The following COL4A5 variants were observed in gnomAD, a reference collection of about 807,000 sequenced individuals.
COL4A5 encodes the protein collagen type IV alpha 5 chain.
A neutral mutation model predicts 130.2 loss-of-function variants in COL4A5; 26 were observed. The observed-to-expected ratio is 0.20, with a 90% CI of 0.15 to 0.28. The LOEUF is 0.28. COL4A5 is among the 10% of genes least tolerant of loss of function. The pLI, the probability that COL4A5 is intolerant of heterozygous loss-of-function variation, is 1.00. For synonymous variants in COL4A5, 496 were observed against 439.6 expected, an observed-to-expected ratio of 1.13 and a Z score of -1.60; for missense variants, 1,131 against 1,344.3, an observed-to-expected ratio of 0.84 and a Z score of 2.48.
intron 6 of COL4A5, among the ~76,000 whole-genome samples, chrX:108,569,240 G>A (rs774645802): frequency 1.4e-4 from 16 of 111,805 alleles, no homozygotes; most frequent in African/African-American, 5.2e-4. Context: ...TTAACACGCC[G>A]AATAACTTCC....
chrX:108,517,022 A>G (rs1365330604), intron 1 of COL4A5, among the ~76,000 whole-genome samples: 1 of 111,723 alleles, frequency 9.0e-6, no homozygotes, highest in African/African-American at 3.2e-5. Flanking sequence ...AGATAAGTAT[A>G]TGTCATATTA....
chrX:108,484,991 C>A (rs764617297), intron 1 of COL4A5, among the ~76,000 whole-genome samples: 1 of 112,136 alleles, frequency 8.9e-6, no homozygotes, highest in East Asian at 2.8e-4. Context: ...TTTACTCTAG[C>A]AGATTTGACC....
chrX:108,532,995 T>C (rs777228154), intron 1 of COL4A5, among the ~76,000 whole-genome samples: 8 of 111,566 alleles, frequency 7.2e-5, no homozygotes, highest in Non-Finnish European at 1.1e-4. Flanking sequence ...ATAATCGCTA[T>C]CAAAATGCCA....
chrX:108,446,072 T>A (rs1212339072), intron 1 of COL4A5, among the ~76,000 whole-genome samples: 1 of 111,691 alleles, frequency 9.0e-6, no homozygotes, highest in Non-Finnish European at 1.9e-5. Context: ...TTTCAATTGC[T>A]ATGGTAAAGT....
At chrX:108,650,265 A>C (rs867389804) in intron 36 of COL4A5, among the ~76,000 whole-genome samples, 6 of 95,391 alleles carry the variant, frequency 6.3e-5, no homozygotes, top group Admixed American at 3.1e-4. Context: ...TCAAAAGATC[A>C]AAAAATAGGA....
intron 34 of COL4A5, 51 bp downstream of exon 34, chrX:108,624,385 G>A: frequency 1.1e-6 from 1 of 884,070 alleles, no homozygotes; most frequent in South Asian, 2.1e-5. Context: ...ACTGAATTCT[G>A]GATAAATAAT....
intron 3 of COL4A5, among the ~76,000 whole-genome samples, chrX:108,561,123 G>A (rs1241430496): frequency 3.6e-5 from 4 of 111,786 alleles, no homozygotes; most frequent in Admixed American, 9.5e-5. Flanking sequence ...TTAGAGAAAC[G>A]TCCATTCGTA....
chrX:108,446,905 G>A (rs2064458246), intron 1 of COL4A5, among the ~76,000 whole-genome samples: 1 of 111,479 alleles, frequency 9.0e-6, no homozygotes, highest in Admixed American at 9.5e-5. Flanking sequence ...TGCCTAGGCC[G>A]TTCATCCTTA....
intron 36 of COL4A5, among the ~76,000 whole-genome samples, chrX:108,641,054 C>T (rs2067455732): frequency 9.0e-6 from 1 of 111,264 alleles, no homozygotes; most frequent in South Asian, 3.8e-4. Context: ...CTTGAGTAGG[C>T]ATAATAAAGA....
intron 36 of COL4A5, among the ~76,000 whole-genome samples, chrX:108,629,881 T>C (rs1243502370): frequency 9.0e-6 from 1 of 110,785 alleles, no homozygotes; most frequent in Non-Finnish European, 1.9e-5. Context: ...ATTGTTCAAT[T>C]CCCACCTATG....
chrX:108,662,080 C>G (rs1302991494), intron 37 of COL4A5, among the ~76,000 whole-genome samples: 1 of 69,851 alleles, frequency 1.4e-5, no homozygotes, highest in Non-Finnish European at 2.6e-5. Flanking sequence ...CCCCTCCCCC[C>G]ACCCCACAAC....
intron 4 of COL4A5, among the ~76,000 whole-genome samples, chrX:108,567,304 C>A (rs2065989288): frequency 9.0e-6 from 1 of 111,579 alleles, no homozygotes; most frequent in South Asian, 3.8e-4. Flanking sequence ...TACACTGGAT[C>A]CAATTTATTT....
Position 108,509,212 on chromosome X carries a change from A to G in COL4A5, c.82-30534A>G, listed in dbSNP as rs138394477. Among the ~76,000 whole-genome samples, 115 of 112,155 alleles carry G rather than the reference A, an allele frequency of 1.0e-3. 4 individuals are homozygous for G. The East Asian group carries it at 0.031, about 30-fold the overall frequency. ...TCCAGCATCTATGTTCTCAGTTATA[A>G]GTGGGAGCTAAATGATGAGAACACA... On this transcript the variant is annotated intron_variant, in intron 1 of 52. Transcript: ENST00000328300.
At chrX:108,475,782 A>T (rs2064826805) in intron 1 of COL4A5, among the ~76,000 whole-genome samples, 1 of 111,853 alleles carries the variant, frequency 8.9e-6, no homozygotes, top group Non-Finnish European at 1.9e-5. Flanking sequence ...ATGGGAACGT[A>T]TATGAAACTA....
rs1456370485 is a variant in COL4A5 at position 108,668,361 on chromosome X, C to T, written c.3647C>T (p.Pro1216Leu). The change falls in exon 41 of 53, where the codon CCT becomes CTT. Residue 1216 changes from proline to leucine, a missense_variant. Physicochemically the swap from Pro to Leu is moderately conservative, Grantham distance 98 (BLOSUM62 -3). Coordinates refer to ENST00000328300, the MANE Select transcript of COL4A5 (RefSeq NM_033380.3). ...GGATTACCTGGGATTCCAGGAAATCCTGGCCTTCCAGGTCCAAAGGGCGAA... is the reference window on the plus strand; with the variant it reads ...GGATTACCTGGGATTCCAGGAAATCTTGGCCTTCCAGGTCCAAAGGGCGAA... ...DGGLPGIPGNPGLPGPKGEPG... is the reference protein window; with the variant it reads ...DGGLPGIPGNLGLPGPKGEPG... 8.3e-6 allele frequency: 10 copies of T among 1,209,686 alleles called. No homozygotes were observed. Among genetic ancestry groups the T allele is most frequent in the Non-Finnish European group, 1.0e-5 (9 of 895,167 alleles).
At chrX:108,582,099 C>A (rs772752027) in intron 16 of COL4A5, among the ~76,000 whole-genome samples, 20 of 111,178 alleles carry the variant, frequency 1.8e-4, no homozygotes, top group African/African-American at 6.5e-4. Context: ...TAATTCTTAA[C>A]AAGACAGGTT....
chrX:108,635,709 A>T (rs2079989548), intron 36 of COL4A5, among the ~76,000 whole-genome samples: 1 of 112,126 alleles, frequency 8.9e-6, no homozygotes, highest in South Asian at 3.7e-4. Context: ...ATAGAGACTG[A>T]TGGAATAGAT....
At chrX:108,475,655 G>T (rs1341149617) in intron 1 of COL4A5, among the ~76,000 whole-genome samples, 1 of 110,932 alleles carries the variant, frequency 9.0e-6, no homozygotes, top group Non-Finnish European at 1.9e-5. Flanking sequence ...TGTCACAACT[G>T]GGGGCTGTTA....
rs755499934 is a variant in COL4A5, at chrX:108,606,814, C to T, written c.2317C>T (p.Pro773Ser). The T allele has an allele frequency of 4.8e-5, 58 of 1,209,518 alleles. No individual in the cohort carries two copies. Among genetic ancestry groups the T allele is most frequent in the African/African-American group, 1.1e-4 (6 of 57,098 alleles). ...TCCAGGTTTCAAAGGAGCACTTGGTCCAAAAGGTGATCGTGGTTTCCCAGG... is the reference window on the plus strand; with the variant it reads ...TCCAGGTTTCAAAGGAGCACTTGGTTCAAAAGGTGATCGTGGTTTCCCAGG... The part of the protein sequence containing the change: ...GLPGFKGALG[P>S]KGDRGFPGPP... The change falls in exon 29 of 53, where the codon CCA becomes TCA. Residue 773 changes from proline (P) to serine (S), a missense_variant. Transcript: ENST00000328300.
Sources: allele counts gnomAD v4.1 joint callset (sites outside exome capture counted in the v4.1 genomes callset), GRCh38; gene constraint gnomAD v4.1.1; transcripts MANE v1.5; gene names NCBI Gene and HGNC (gene_info 2026-07-23, HGNC 2026-07-21).